ADAMTS2: variants seen among roughly 807,000 people sequenced by gnomAD.
ADAMTS2 encodes ADAM metallopeptidase with thrombospondin type 1 motif 2.
Under a neutral mutation model 123.0 loss-of-function variants are expected in ADAMTS2, and 50 were observed. The ratio of observed to expected loss-of-function variants is 0.41; its 90% CI spans 0.32 to 0.51. The LOEUF (loss-of-function observed/expected upper bound fraction) is 0.51, where lower values mean the gene tolerates loss of function less well. ADAMTS2 is among the 20% of genes least tolerant of loss of function. ADAMTS2 has a pLI of 0.35. For missense variants in ADAMTS2, 1,494 were observed against 1,705.2 expected (o/e 0.88, Z 2.18); for synonymous variants, 678 against 695.4 (o/e 0.98, Z 0.39).
intron 5 of ADAMTS2, among the ~76,000 whole-genome samples, chr5:179,167,414 A>G (rs555709658): frequency 2.6e-4 from 40 of 152,240 alleles, no homozygotes; most frequent in East Asian, 7.7e-4. Flanking sequence ...AAATACATCA[A>G]TTATGACCTG....
chr5:179,199,517 G>T (rs974800876), intron 4 of ADAMTS2, among the ~76,000 whole-genome samples: 13 of 152,228 alleles, frequency 8.5e-5, no homozygotes, highest in African/African-American at 3.1e-4. Context: ...CCAGTAGGAA[G>T]GGGGCGTGCC....
chr5:179,198,437 G>A (rs1024891288), intron 4 of ADAMTS2, among the ~76,000 whole-genome samples: 3 of 152,188 alleles, frequency 2.0e-5, no homozygotes, highest in African/African-American at 7.2e-5. Context: ...CATCCCCAAG[G>A]GGCCTCAGCA....
rs1205212761 is a variant in ADAMTS2 at position 179,140,039 on chromosome 5, A to G, written c.1630-4T>C. ...TGCAGTGTCCTTTAAAACAATGCTG[A>G]AAGACAGGAAGCCAGTCCCTCCACT... On this transcript the variant is annotated splice_region_variant and splice_polypyrimidine_tract_variant and intron_variant, in intron 10 of 21. Transcript: ENST00000251582. 1 of 1,613,978 alleles carries G rather than the reference A, an allele frequency of 6.2e-7. No homozygotes were observed. Among genetic ancestry groups the G allele is most frequent in the East Asian group, 2.2e-5 (1 of 44,876 alleles).
chr5:179,137,003 A>C (rs1281257168), intron 12 of ADAMTS2, among the ~76,000 whole-genome samples: 1 of 151,886 alleles, frequency 6.6e-6, no homozygotes, highest in Admixed American at 6.5e-5. Flanking sequence ...CTTTTCAGTC[A>C]ATCTCTGAAA....
intron 10 of ADAMTS2, among the ~76,000 whole-genome samples, chr5:179,151,668 G>C (rs756189582): frequency 6.6e-6 from 1 of 152,184 alleles, no homozygotes; most frequent in Non-Finnish European, 1.5e-5. Flanking sequence ...CTTCTTTCAA[G>C]AGTCACCAGA....
intron 3 of ADAMTS2, among the ~76,000 whole-genome samples, chr5:179,208,379 GC>G (rs1283642812): frequency 2.0e-5 from 3 of 151,986 alleles, no homozygotes; most frequent in Non-Finnish European, 4.4e-5. Context: ...CAGGTCCCGG[GC>G]CCCCTCCCCA....
chr5:179,153,989 C>T, intron 8 of ADAMTS2, 60 bp downstream of exon 8: 1 of 1,557,284 alleles, frequency 6.4e-7, no homozygotes, highest in Non-Finnish European at 8.7e-7. Flanking sequence ...GACTTGCACC[C>T]TCCCAGAGCT....
rs770868332 is a variant in ADAMTS2, at chr5:179,128,890, A to G, written c.2458-772T>C. 3.9e-5 allele frequency among the ~76,000 whole-genome samples: 6 copies of G among 152,148 alleles called. No individual in the cohort carries two copies. Among genetic ancestry groups the G allele is most frequent in the Non-Finnish European group, 7.3e-5 (5 of 68,032 alleles). ...AGCAACAGGCTCAGGGTGATTTTCA[A>G]CAGCGAAATCGCCCCCAAAATAGCA... On this transcript the variant is annotated intron_variant, in intron 16 of 21. Transcript: ENST00000251582. This position sits in a 1 kb window ranked among gnomAD's most constrained non-coding sequence, Gnocchi z 4.9.
rs546935862 is a variant in ADAMTS2, at chr5:179,237,607, G to A, written c.689-29892C>T. Among the ~76,000 whole-genome samples the A allele has an allele frequency of 3.3e-5, 5 of 152,304 alleles. No individual in the cohort carries two copies. In the South Asian group the frequency reaches 1.0e-3, roughly 32 times the overall value. On this transcript the variant is annotated intron_variant, in intron 3 of 21. Coordinates refer to ENST00000251582, the MANE Select transcript of ADAMTS2 (RefSeq NM_014244.5). ...TAAGCGGTGCTGCCCAGCTCTGGGA[G>A]GCTGGGGGAGATGAGGCGATGTGTG...
intron 3 of ADAMTS2, among the ~76,000 whole-genome samples, chr5:179,214,426 G>A (rs1764928112): frequency 6.6e-6 from 1 of 152,198 alleles, no homozygotes; most frequent in Non-Finnish European, 1.5e-5. Context: ...TAGAAAACCT[G>A]AAGAAACCAA....
chr5:179,319,783 G>C (rs1319858095), intron 2 of ADAMTS2, among the ~76,000 whole-genome samples: 1 of 151,822 alleles, frequency 6.6e-6, no homozygotes, highest in African/African-American at 2.4e-5. Context: ...GGAAGCATGC[G>C]TGCAGACTGG....
chr5:179,131,512 T>A (rs1402823624), intron 15 of ADAMTS2, among the ~76,000 whole-genome samples: 1 of 152,004 alleles, frequency 6.6e-6, no homozygotes, highest in Non-Finnish European at 1.5e-5. Flanking sequence ...TGGGGATGAA[T>A]GTGGGGCTCA....
rs889614545 is a variant in ADAMTS2, at chr5:179,188,191, A to T, written c.892-7036T>A. ...TCGCTCAGCTGAGCTTTGGGCCACC[A>T]GAGGCAGCCTGTGGCCCACCTGGCA... On this transcript the variant is annotated intron_variant, in intron 4 of 21. Transcript: ENST00000251582. This position sits in a 1 kb window ranked among gnomAD's most constrained non-coding sequence, Gnocchi z 5.1. Among the ~76,000 whole-genome samples, 17 of 152,230 alleles carry T rather than the reference A, an allele frequency of 1.1e-4. No homozygotes were observed. The highest frequency in any genetic ancestry group is 6.5e-5 in the Admixed American group (1 of 15,286).
intron 3 of ADAMTS2, among the ~76,000 whole-genome samples, chr5:179,222,498 A>C (rs1765149629): frequency 6.6e-6 from 1 of 152,224 alleles, no homozygotes; most frequent in African/African-American, 2.4e-5. Context: ...AGGATGGCAA[A>C]GGCCCTGCTT....
intron 3 of ADAMTS2, among the ~76,000 whole-genome samples, chr5:179,270,429 C>T (rs924681116): frequency 1.3e-5 from 2 of 152,180 alleles, no homozygotes; most frequent in African/African-American, 2.4e-5. Context: ...GAAGAAACTG[C>T]CAGCCAGCAC....
At position 179,195,268 on chromosome 5, in the gene ADAMTS2, T is replaced by G. The variant is rs188391528; in HGVS notation, c.891+12245A>C. Among the ~76,000 whole-genome samples the G allele has an allele frequency of 8.8e-4, 134 of 152,254 alleles. 1 individual carries two copies. The highest frequency in any genetic ancestry group is 1.5e-3 in the Non-Finnish European group (103 of 68,020). ...CCCACACCCGTGCTCTACTGAGCACTTTCCTGGTGTTCAACTCGAGTGGTG... is the reference window on the plus strand; with the variant it reads ...CCCACACCCGTGCTCTACTGAGCACGTTCCTGGTGTTCAACTCGAGTGGTG... On this transcript the variant is annotated intron_variant, in intron 4 of 21. Transcript: ENST00000251582.
chr5:179,287,224 G>C (rs1756046627), intron 2 of ADAMTS2, among the ~76,000 whole-genome samples: 1 of 152,218 alleles, frequency 6.6e-6, no homozygotes, highest in African/African-American at 2.4e-5. Context: ...ATCCAGCATG[G>C]AGGAAAGCTG....
chr5:179,128,379 T>C lies in ADAMTS2; in HGVS notation c.2458-261A>G, dbSNP rs187800721. On this transcript the variant is annotated intron_variant, in intron 16 of 21. Transcript: ENST00000251582. This position sits in a 1 kb window ranked among gnomAD's most constrained non-coding sequence, Gnocchi z 4.9. ...TAACCTTGTTTTATGTGTGAGTCTG[T>C]TTATTTTTTTGTTTGTTTTTGTTTG... Among the ~76,000 whole-genome samples, 51 of 152,266 alleles carry C rather than the reference T, an allele frequency of 3.3e-4. No individual in the cohort carries two copies. The highest frequency in any genetic ancestry group is 5.9e-4 in the Admixed American group (9 of 15,272).
At chr5:179,291,627 C>T (rs928351133) in intron 2 of ADAMTS2, among the ~76,000 whole-genome samples, 4 of 152,064 alleles carry the variant, frequency 2.6e-5, no homozygotes, top group Middle Eastern at 3.2e-3. Context: ...CACCATTAAA[C>T]GAGGTTGAAT....
Sources: allele counts gnomAD v4.1 joint callset (sites outside exome capture counted in the v4.1 genomes callset), GRCh38; gene constraint gnomAD v4.1.1; non-coding constraint Gnocchi (gnomAD v3.1); transcripts MANE v1.5; gene names NCBI Gene and HGNC (gene_info 2026-07-23, HGNC 2026-07-21).